KIAA0825: variants seen among roughly 807,000 people sequenced by gnomAD.
KIAA0825 encodes KIAA0825.
KIAA0825 carries 119 observed loss-of-function variants against 147.6 expected under a neutral mutation model. The observed-to-expected ratio is 0.81, with a 90% CI of 0.69 to 0.94. The LOEUF (loss-of-function observed/expected upper bound fraction) is 0.94, where lower values mean the gene tolerates loss of function less well. Ranked by LOEUF, KIAA0825 falls within the 40% of genes least tolerant of loss-of-function variation. The pLI, the probability that KIAA0825 is intolerant of heterozygous loss-of-function variation, is 0.00. For missense variants in KIAA0825, 1,381 were observed against 1,472.7 expected (o/e 0.94, Z 1.02); for synonymous variants, 470 against 518.1 (o/e 0.91, Z 1.26).
At chr5:94,332,487 G>C (rs940502511) in intron 20 of KIAA0825, among the ~76,000 whole-genome samples, 3 of 152,054 alleles carry the variant, frequency 2.0e-5, no homozygotes, top group African/African-American at 7.2e-5. Context: ...TTGGTTTTCT[G>C]TTCCTGTGTT....
chr5:94,349,861 C>A (rs1440814840), intron 20 of KIAA0825, among the ~76,000 whole-genome samples: 1 of 152,132 alleles, frequency 6.6e-6, no homozygotes. Flanking sequence ...ACTCCAAGGT[C>A]ACACCTCAAG....
intron 5 of KIAA0825, among the ~76,000 whole-genome samples, chr5:94,506,171 G>A (rs1241117029): frequency 6.6e-6 from 1 of 152,112 alleles, no homozygotes; most frequent in Non-Finnish European, 1.5e-5. Flanking sequence ...TTTAAAATTA[G>A]CCAATGATCA....
At chr5:94,384,537 T>A in intron 19 of KIAA0825, 79 bp from the exon 20 acceptor site, 6 of 1,136,862 alleles carry the variant, frequency 5.3e-6, no homozygotes, top group Non-Finnish European at 7.8e-6. Flanking sequence ...AAGCTCCAGC[T>A]GTGATAGACT....
intron 20 of KIAA0825, among the ~76,000 whole-genome samples, chr5:94,203,193 G>T (rs1771855313): frequency 1.3e-5 from 2 of 152,156 alleles, no homozygotes; most frequent in Non-Finnish European, 2.9e-5. Context: ...AGACCTTCCT[G>T]AACCCTCCCA....
intron 20 of KIAA0825, among the ~76,000 whole-genome samples, chr5:94,330,456 T>C (rs1781153679): frequency 6.6e-6 from 1 of 152,156 alleles, no homozygotes. Flanking sequence ...ATATTAAAAA[T>C]GTAAATAACC....
intron 1 of KIAA0825, among the ~76,000 whole-genome samples, chr5:94,601,936 C>T (rs1034838370): frequency 1.3e-5 from 2 of 152,150 alleles, no homozygotes; most frequent in African/African-American, 4.8e-5. Context: ...CCTGAAAGAA[C>T]TGAGGCGAAT....
intron 20 of KIAA0825, among the ~76,000 whole-genome samples, chr5:94,276,391 G>A (rs540035086): frequency 6.6e-6 from 1 of 152,252 alleles, no homozygotes; most frequent in Admixed American, 6.5e-5. Context: ...TGAGAAAGGA[G>A]AAATTGGTGG....
At chr5:94,296,394 C>T (rs1184686648) in intron 20 of KIAA0825, among the ~76,000 whole-genome samples, 1 of 152,076 alleles carries the variant, frequency 6.6e-6, no homozygotes. Flanking sequence ...CTTCAGCCCC[C>T]TTTCCAAGAG....
intron 20 of KIAA0825, among the ~76,000 whole-genome samples, chr5:94,233,128 A>C (rs1774832807): frequency 6.6e-6 from 1 of 152,236 alleles, no homozygotes; most frequent in African/African-American, 2.4e-5. Flanking sequence ...AGAGGCAAAA[A>C]GAGGCAAAAC....
chr5:94,591,158 C>T (rs1561363973), intron 1 of KIAA0825, among the ~76,000 whole-genome samples: 2 of 152,060 alleles, frequency 1.3e-5, no homozygotes, highest in Admixed American at 6.6e-5. Flanking sequence ...AAAACACAGA[C>T]AGATGAAAGA....
intron 20 of KIAA0825, among the ~76,000 whole-genome samples, chr5:94,160,839 C>T (rs115518340): frequency 1.2e-4 from 19 of 152,150 alleles, no homozygotes; most frequent in African/African-American, 4.6e-4. Context: ...TTGTCTGTCT[C>T]TCCACATTGT....
intron 2 of KIAA0825, among the ~76,000 whole-genome samples, chr5:94,545,196 A>G (rs988387950): frequency 3.9e-5 from 6 of 152,172 alleles, no homozygotes; most frequent in African/African-American, 9.7e-5. Context: ...CTCCCATCCC[A>G]GCGATCAGAA....
intron 20 of KIAA0825, among the ~76,000 whole-genome samples, chr5:94,367,434 G>A (rs912417188): frequency 3.3e-5 from 5 of 152,080 alleles, no homozygotes; most frequent in Non-Finnish European, 7.4e-5. Flanking sequence ...GGAGGCGGAG[G>A]TTGCAGTGAG....
intron 3 of KIAA0825, among the ~76,000 whole-genome samples, chr5:94,532,705 T>C (rs1452847029): frequency 1.3e-5 from 2 of 151,168 alleles, no homozygotes; most frequent in Non-Finnish European, 3.0e-5. Flanking sequence ...AATTTTTTTT[T>C]TTTTTTTTCA....
chr5:94,472,006 A>G (rs1045323342), intron 8 of KIAA0825, among the ~76,000 whole-genome samples: 2 of 152,196 alleles, frequency 1.3e-5, no homozygotes, highest in African/African-American at 4.8e-5. Flanking sequence ...ATACATGACA[A>G]TACCTTTATC....
intron 1 of KIAA0825, among the ~76,000 whole-genome samples, chr5:94,588,068 A>G (rs564355974): frequency 1.6e-4 from 25 of 152,308 alleles, no homozygotes; most frequent in African/African-American, 6.0e-4. Context: ...ACTTAAATGT[A>G]AGACCTAAAA....
chr5:94,193,552 G>C (rs1016233702), intron 20 of KIAA0825, among the ~76,000 whole-genome samples: 2 of 152,104 alleles, frequency 1.3e-5, no homozygotes, highest in Non-Finnish European at 2.9e-5. Context: ...TCTGTATCCT[G>C]TTCTTTCAAT....
intron 14 of KIAA0825, among the ~76,000 whole-genome samples, chr5:94,438,159 A>T (rs566260291): frequency 3.9e-5 from 6 of 152,306 alleles, no homozygotes; most frequent in African/African-American, 1.2e-4. Flanking sequence ...CAGGGGACAG[A>T]AAGCTCTGGC....
intron 20 of KIAA0825, among the ~76,000 whole-genome samples, chr5:94,351,098 G>C (rs1319957574): frequency 6.6e-6 from 1 of 152,010 alleles, no homozygotes; most frequent in African/African-American, 2.4e-5. Flanking sequence ...GAAATAAAGG[G>C]CATCCAAATT....
Sources: allele counts gnomAD v4.1 joint callset (sites outside exome capture counted in the v4.1 genomes callset), GRCh38; gene constraint gnomAD v4.1.1; transcripts MANE v1.5; gene names NCBI Gene and HGNC (gene_info 2026-07-23, HGNC 2026-07-21).